BAIAP2L1: variants seen among roughly 807,000 people sequenced by gnomAD.
The protein encoded by BAIAP2L1 is BAR/IMD domain containing adaptor protein 2 like 1.
Under a neutral mutation model 66.3 loss-of-function variants are expected in BAIAP2L1, and 35 were observed. That is an observed-to-expected ratio of 0.53 (90% CI 0.40 to 0.70). BAIAP2L1 has a LOEUF of 0.70. Among genes scored for constraint, BAIAP2L1 ranks in the 30% least tolerant of loss-of-function variants. BAIAP2L1 has a pLI of 0.00. For missense variants in BAIAP2L1, 622 were observed against 656.9 expected, an observed-to-expected ratio of 0.95 and a Z score of 0.58; for synonymous variants, 269 against 248.7, an observed-to-expected ratio of 1.08 and a Z score of -0.77.
At chr7:98,370,244 G>A (rs1182236163) in intron 1 of BAIAP2L1, among the ~76,000 whole-genome samples, 5 of 151,728 alleles carry the variant, frequency 3.3e-5, no homozygotes, top group African/African-American at 4.8e-5. Context: ...GCATGGTGGC[G>A]GGTGCTTGTA....
chr7:98,319,548 C>CTTTT (rs35466813), intron 5 of BAIAP2L1, among the ~76,000 whole-genome samples: 1 of 138,554 alleles, frequency 7.2e-6, no homozygotes, highest in Non-Finnish European at 1.5e-5. Context: ...TTTCCTATGC[C>CTTTT]TTTTTTTTTT....
At chr7:98,295,097 G>A (rs534866364) in intron 12 of BAIAP2L1, among the ~76,000 whole-genome samples, 107 of 152,340 alleles carry the variant, frequency 7.0e-4, no homozygotes, top group African/African-American at 2.4e-3. Context: ...GGGGTCTCAG[G>A]GAGCACGCAG....
At position 98,292,822 on chromosome 7, in the gene BAIAP2L1, G is replaced by C; in HGVS notation, c.*699C>G. The C allele has an allele frequency of 6.7e-7, 1 of 1,484,636 alleles. No individual in the cohort carries two copies. Among genetic ancestry groups the C allele is most frequent in the South Asian group, 1.4e-5 (1 of 74,062 alleles). The allele number at this position is 1,484,636 out of a possible 1,614,324, so 92.0% of individuals were successfully genotyped here. On this transcript the variant is annotated 3_prime_UTR_variant, in exon 14 of 14. Transcript: ENST00000005260. ...CCCAGGCCTGTGTCCTGGATGGGCCGTGTGCAGCGAATCCGTTGGCGACTC... is the reference window on the plus strand; with the variant it reads ...CCCAGGCCTGTGTCCTGGATGGGCCCTGTGCAGCGAATCCGTTGGCGACTC...
chr7:98,378,643 G>GTT (rs879884827), intron 1 of BAIAP2L1, among the ~76,000 whole-genome samples: 2 of 147,692 alleles, frequency 1.4e-5, no homozygotes, highest in African/African-American at 4.9e-5. Flanking sequence ...GGCTAGGGAT[G>GTT]TTTTTTTTTT....
At chr7:98,359,136 G>A (rs1294301893) in intron 2 of BAIAP2L1, among the ~76,000 whole-genome samples, 2 of 152,206 alleles carry the variant, frequency 1.3e-5, no homozygotes, top group Non-Finnish European at 2.9e-5. Flanking sequence ...GGAGGGTCTG[G>A]AGAACTGCCC....
In BAIAP2L1 at chr7:98,355,059, G is replaced by A. The variant is rs746509916; in HGVS notation, c.197C>T (p.Pro66Leu). The change falls in exon 3 of 14, where the codon CCC becomes CTC. Residue 66 changes from proline (P) to leucine (L), a missense_variant. Coordinates refer to ENST00000005260, the MANE Select transcript of BAIAP2L1 (RefSeq NM_018842.5). ...TCGCTCACCCAGTTCAGTTGACACGGGGGACCCAGTGGCAATCTCACCGAT... is the reference window on the plus strand; with the variant it reads ...TCGCTCACCCAGTTCAGTTGACACGAGGGACCCAGTGGCAATCTCACCGAT... ...AKIGEIATGS[P>L]VSTELGHVLI... The A allele has an allele frequency of 5.6e-6, 9 of 1,613,726 alleles. No individual in the cohort carries two copies. The South Asian group carries it at 6.6e-5, about 12-fold the overall frequency.
chr7:98,336,572 C>T (rs527362959), intron 3 of BAIAP2L1, among the ~76,000 whole-genome samples: 3 of 152,266 alleles, frequency 2.0e-5, no homozygotes, highest in African/African-American at 4.8e-5. Flanking sequence ...GCAGAGATTG[C>T]ACCACTGCAC....
chr7:98,349,004 G>C (rs1183864316), intron 3 of BAIAP2L1, among the ~76,000 whole-genome samples: 1 of 152,246 alleles, frequency 6.6e-6, no homozygotes, highest in Non-Finnish European at 1.5e-5. Flanking sequence ...GCCTGGGCGG[G>C]GTGAGCTCTG....
chr7:98,395,710 T>C (rs1256414568), intron 1 of BAIAP2L1, among the ~76,000 whole-genome samples: 1 of 152,162 alleles, frequency 6.6e-6, no homozygotes, highest in Non-Finnish European at 1.5e-5. Context: ...TTATGCAGCT[T>C]TTATAACTTA....
chr7:98,352,978 T>C (rs1802033011), intron 3 of BAIAP2L1, among the ~76,000 whole-genome samples: 1 of 152,184 alleles, frequency 6.6e-6, no homozygotes, highest in South Asian at 2.1e-4. Context: ...TTTTTATTCA[T>C]GCTATTTTTG....
intron 3 of BAIAP2L1, among the ~76,000 whole-genome samples, chr7:98,351,024 T>A (rs1021690615): frequency 6.6e-6 from 1 of 151,992 alleles, no homozygotes; most frequent in African/African-American, 2.4e-5. Context: ...GCCTGGCTAA[T>A]TTTTTGGTAT....
intron 7 of BAIAP2L1, among the ~76,000 whole-genome samples, chr7:98,313,826 C>T (rs1404087242): frequency 2.7e-5 from 4 of 148,020 alleles, no homozygotes; most frequent in Non-Finnish European, 5.9e-5. Context: ...GATAGGGTCT[C>T]GCTATGCTGC....
intron 7 of BAIAP2L1, among the ~76,000 whole-genome samples, chr7:98,313,258 G>GCCACAAAA (rs1169101766): frequency 6.6e-6 from 1 of 152,004 alleles, no homozygotes; most frequent in Admixed American, 6.6e-5. Flanking sequence ...ATTAAGGGAA[G>GCCACAAAA]CCACAAAACC....
chr7:98,338,198 C>T (rs1314898332), intron 3 of BAIAP2L1, among the ~76,000 whole-genome samples: 6 of 151,792 alleles, frequency 4.0e-5, no homozygotes, highest in African/African-American at 1.2e-4. Flanking sequence ...TTTGGGAGGC[C>T]GAGGCGGGTG....
At chr7:98,327,480 C>T (rs1322209941) in intron 3 of BAIAP2L1, among the ~76,000 whole-genome samples, 4 of 152,084 alleles carry the variant, frequency 2.6e-5, no homozygotes, top group African/African-American at 9.7e-5. Flanking sequence ...TTGAGACCAG[C>T]CTGGCCAACA....
At chr7:98,375,412 T>C (rs1361985344) in intron 1 of BAIAP2L1, among the ~76,000 whole-genome samples, 4 of 146,092 alleles carry the variant, frequency 2.7e-5, no homozygotes, top group Non-Finnish European at 6.0e-5. Flanking sequence ...AAAAAAAATT[T>C]GTGAGAGTGT....
chr7:98,354,655 C>T (rs1802078709), intron 3 of BAIAP2L1, among the ~76,000 whole-genome samples: 1 of 152,148 alleles, frequency 6.6e-6, no homozygotes, highest in Admixed American at 6.5e-5. Flanking sequence ...GCCAAGAGAG[C>T]AATGTAAAGG....
At chr7:98,339,769 G>A (rs758007732) in intron 3 of BAIAP2L1, among the ~76,000 whole-genome samples, 6 of 152,206 alleles carry the variant, frequency 3.9e-5, no homozygotes, top group Non-Finnish European at 5.9e-5. Context: ...TAGTGTTTTC[G>A]TTCCTGACCC....
intron 1 of BAIAP2L1, among the ~76,000 whole-genome samples, chr7:98,372,987 G>A (rs1027114108): frequency 8.5e-5 from 13 of 152,126 alleles, no homozygotes; most frequent in South Asian, 4.1e-4. Flanking sequence ...TGATCTGGCC[G>A]CCTTGGCCTC....
Sources: allele counts gnomAD v4.1 joint callset (sites outside exome capture counted in the v4.1 genomes callset), GRCh38; gene constraint gnomAD v4.1.1; transcripts MANE v1.5; gene names NCBI Gene and HGNC (gene_info 2026-07-23, HGNC 2026-07-21).